Variants in MOB3B observed in about 807,000 individuals in gnomAD.
MOB3B encodes the protein MOB kinase activator-like 2B.
MOB3B carries 7 observed loss-of-function variants against 18.7 expected under a neutral mutation model. That is an observed-to-expected ratio of 0.37 (90% CI 0.21 to 0.70). The LOEUF is 0.70. MOB3B is among the 30% of genes least tolerant of loss of function. MOB3B has a pLI of 0.52. For synonymous variants in MOB3B, 111 were observed against 99.9 expected, an observed-to-expected ratio of 1.11 and a Z score of -0.66; for missense variants, 253 against 281.3, an observed-to-expected ratio of 0.90 and a Z score of 0.72.
rs762073422 is a variant in MOB3B, at chr9:27,455,193, G to A, written c.358C>T (p.Leu120Phe). The change falls in exon 2 of 4, where the codon CTT (leucine) becomes TTT (phenylalanine). Residue 120 changes from leucine (L) to phenylalanine (F), a missense_variant. By Grantham distance (22) the Leu-to-Phe change is conservative. Coordinates refer to ENST00000262244, the MANE Select transcript of MOB3B (RefSeq NM_024761.5). ...TALPAPQYMN[L>F]LMDWIEVQIN... is the part of the protein sequence containing the mutation. ...TGAACCTCAATCCAATCCATAAGAA[G>A]GTTCATGTACTGGGGAGCTGGCAGC... 2 of 1,614,110 alleles carry A rather than the reference G, an allele frequency of 1.2e-6. No homozygotes were observed. The highest frequency in any genetic ancestry group is 4.5e-5 in the East Asian group (2 of 44,876).
intron 1 of MOB3B, among the ~76,000 whole-genome samples, chr9:27,466,603 G>T (rs1387671021): frequency 1.3e-5 from 2 of 152,126 alleles, no homozygotes; most frequent in African/African-American, 4.8e-5. Flanking sequence ...GAAGAAAAAA[G>T]GGGTTTAATT....
intron 1 of MOB3B, among the ~76,000 whole-genome samples, chr9:27,516,731 C>T (rs938441669): frequency 2.6e-5 from 4 of 152,140 alleles, no homozygotes; most frequent in Non-Finnish European, 5.9e-5. Context: ...TGACACAGAC[C>T]CACTTCATTC....
intron 2 of MOB3B, among the ~76,000 whole-genome samples, chr9:27,404,531 C>T (rs569800621): frequency 4.0e-5 from 6 of 151,380 alleles, no homozygotes; most frequent in South Asian, 2.1e-4. Context: ...CTAATTTTTG[C>T]GCTTTTAGTA....
intron 2 of MOB3B, among the ~76,000 whole-genome samples, chr9:27,411,529 A>G (rs773072952): frequency 1.1e-4 from 16 of 152,204 alleles, no homozygotes; most frequent in Admixed American, 4.6e-4. Flanking sequence ...AATTGTCTAT[A>G]TTTCCTAACT....
chr9:27,440,157 C>T (rs1418517170), intron 2 of MOB3B, among the ~76,000 whole-genome samples: 1 of 152,178 alleles, frequency 6.6e-6, no homozygotes, highest in Non-Finnish European at 1.5e-5. Context: ...TTCTATAAAT[C>T]CCATTCAGAA....
intron 2 of MOB3B, among the ~76,000 whole-genome samples, chr9:27,452,354 C>G (rs905742933): frequency 6.6e-6 from 1 of 152,152 alleles, no homozygotes; most frequent in Non-Finnish European, 1.5e-5. Context: ...GACATGGTAT[C>G]TGAGCTGAAC....
rs536030982 is a variant in MOB3B, at chr9:27,330,472, C to T, written c.*115G>A. On this transcript the variant is annotated 3_prime_UTR_variant, in exon 4 of 4. Transcript: ENST00000262244. Reference sequence around the variant, plus strand: ...TCTCAGGAGTCACTGCTTGCCTCCACCTCTGCTGTTCCTGGGAGTAGGTGT... The same window carrying T: ...TCTCAGGAGTCACTGCTTGCCTCCATCTCTGCTGTTCCTGGGAGTAGGTGT... 2.2e-6 allele frequency: 3 copies of T among 1,394,616 alleles called. No individual in the cohort carries two copies. The East Asian group carries it at 7.2e-5, about 34-fold the overall frequency. 86.4% of individuals were successfully genotyped at this position (1,394,616 alleles called of 1,614,324 possible).
chr9:27,349,548 A>G (rs1176777985), intron 3 of MOB3B, among the ~76,000 whole-genome samples: 3 of 152,196 alleles, frequency 2.0e-5, no homozygotes, highest in African/African-American at 7.2e-5. Flanking sequence ...AGCCATACTG[A>G]CTATTTACAT....
chr9:27,487,132 A>AAAATAAATAAATAAAT (rs56371907), intron 1 of MOB3B, among the ~76,000 whole-genome samples: 14,350 of 145,114 alleles, frequency 0.099, 846 homozygotes, highest in East Asian at 0.2. Context: ...TTCTGTCTCA[A>AAAATAAATAAATAAAT]AAATAAATAA....
chr9:27,437,616 C>T (rs556658388), intron 2 of MOB3B, among the ~76,000 whole-genome samples: 63 of 152,182 alleles, frequency 4.1e-4, no homozygotes, highest in Non-Finnish European at 8.1e-4. Context: ...CTCCCTTCAA[C>T]TGCTACAAAG....
chr9:27,520,556 A>G (rs1343089117), intron 1 of MOB3B, among the ~76,000 whole-genome samples: 1 of 152,212 alleles, frequency 6.6e-6, no homozygotes, highest in Non-Finnish European at 1.5e-5. Context: ...ATGACCAGTG[A>G]CTGATCATTC....
intron 2 of MOB3B, among the ~76,000 whole-genome samples, chr9:27,416,549 T>TTTTTA: frequency 5.8e-5 from 1 of 17,376 alleles, no homozygotes. Flanking sequence ...TTTTAATTTT[T>TTTTTA]TTTTTTTTTT....
intron 1 of MOB3B, among the ~76,000 whole-genome samples, chr9:27,473,840 A>C (rs1190008772): frequency 2.6e-5 from 4 of 152,216 alleles, no homozygotes; most frequent in African/African-American, 9.6e-5. Flanking sequence ...CCACAGTGCA[A>C]TAGACTACAT....
chr9:27,470,141 A>G (rs1819450828), intron 1 of MOB3B, among the ~76,000 whole-genome samples: 1 of 150,976 alleles, frequency 6.6e-6, no homozygotes, highest in East Asian at 1.9e-4. Flanking sequence ...AAAGAAAACT[A>G]CCCCAACTTA....
intron 3 of MOB3B, among the ~76,000 whole-genome samples, chr9:27,331,678 C>A (rs62546175): frequency 5.3e-5 from 8 of 152,182 alleles, no homozygotes; most frequent in Non-Finnish European, 1.2e-4. Context: ...GAGCCCTGTG[C>A]CATTTAGCAT....
intron 1 of MOB3B, among the ~76,000 whole-genome samples, chr9:27,460,310 T>C (rs761353635): frequency 6.6e-6 from 1 of 152,228 alleles, no homozygotes; most frequent in African/African-American, 2.4e-5. Flanking sequence ...AGAAGTTCCA[T>C]GTGCTCTCCA....
intron 2 of MOB3B, among the ~76,000 whole-genome samples, chr9:27,430,497 T>C (rs1393639758): frequency 2.0e-5 from 3 of 152,192 alleles, no homozygotes; most frequent in Non-Finnish European, 4.4e-5. Flanking sequence ...CACCCACTAC[T>C]GCAGCCAACG....
chr9:27,475,335 C>T lies in MOB3B; in HGVS notation c.-198-19587G>A, dbSNP rs1819538089. On this transcript the variant is annotated intron_variant, in intron 1 of 3. Transcript: ENST00000262244. ...TCCTGAACCGGAGAACCCAGCTACG[C>T]TGTACTCTGCCTGCTGACCCAAAAA... Among the ~76,000 whole-genome samples, 3 of 152,276 alleles carry T rather than the reference C, an allele frequency of 2.0e-5. No individual in the cohort carries two copies. The South Asian group carries it at 6.2e-4, about 31-fold the overall frequency.
chr9:27,342,936 G>A (rs1278159627), intron 3 of MOB3B, among the ~76,000 whole-genome samples: 2 of 151,094 alleles, frequency 1.3e-5, no homozygotes, highest in Non-Finnish European at 2.9e-5. Flanking sequence ...CATCGTCTGG[G>A]AAGTGAGGAG....
Sources: gnomAD v4.1 joint callset for allele counts (sites outside exome capture counted in the v4.1 genomes callset) on GRCh38, gnomAD v4.1.1 for gene constraint, MANE v1.5 for transcripts, NCBI Gene and HGNC (gene_info 2026-07-23, HGNC 2026-07-21) for gene names.